TMEM272: variants seen among roughly 807,000 people sequenced by gnomAD.
TMEM272 encodes the protein long intergenic non-protein coding RNA 282.
TMEM272 carries 8 observed loss-of-function variants against 3.7 expected under a neutral mutation model. That is an observed-to-expected ratio of 2.17 (90% confidence interval 1.27 to 3.91). The LOEUF (loss-of-function observed/expected upper bound fraction) is 3.91, where lower values mean the gene tolerates loss of function less well. Among genes scored for constraint, TMEM272 ranks in the 30% most tolerant of loss-of-function variants. The pLI is 0.00. For missense variants in TMEM272, 166 were observed against 91.5 expected (o/e 1.81, Z -3.32); for synonymous variants, 63 against 39.8 (o/e 1.58, Z -2.20).
At chr13:51,931,262 G>C in the TMEM272 span, among the ~76,000 whole-genome samples, 7 of 147,058 alleles carry the variant, frequency 4.8e-5, no homozygotes, top group Non-Finnish European at 1.0e-4. Context: ...GTACACCATG[G>C]AATGCTATGT....
the TMEM272 span, chr13:51,865,292 T>A: frequency 9.2e-7 from 1 of 1,089,656 alleles, no homozygotes; most frequent in Non-Finnish European, 1.3e-6. Flanking sequence ...TCCCCTGGCA[T>A]GTGATACTCA....
At chr13:51,932,663 G>C in the TMEM272 span, 1 of 152,210 alleles carries the variant, frequency 6.6e-6, no homozygotes, top group Non-Finnish European at 1.5e-5. Flanking sequence ...CTCACTCACA[G>C]GCAGATTTTT....
intron 2 of TMEM272, among the ~76,000 whole-genome samples, chr13:51,836,139 T>C (rs1593597772): frequency 6.6e-6 from 1 of 152,318 alleles, no homozygotes; most frequent in African/African-American, 2.4e-5. Flanking sequence ...GATCAGGCCC[T>C]GGGAGCAGAG....
chr13:51,926,570 C>T, the TMEM272 span, among the ~76,000 whole-genome samples: 2 of 122,138 alleles, frequency 1.6e-5, no homozygotes, highest in Admixed American at 1.2e-4. Context: ...GGGAAGAGCC[C>T]GTGAGAGGCA....
chr13:51,838,781 G>T (rs751501903), intron 1 of TMEM272, among the ~76,000 whole-genome samples: 2 of 152,134 alleles, frequency 1.3e-5, no homozygotes, highest in Non-Finnish European at 2.9e-5. Flanking sequence ...TAAGAGGCTT[G>T]CCCAGTGATA....
chr13:51,820,752 T>G (rs1230039831), intron 4 of TMEM272, among the ~76,000 whole-genome samples: 2 of 152,186 alleles, frequency 1.3e-5, no homozygotes, highest in South Asian at 4.1e-4. Context: ...CTTAACACTG[T>G]GGGGGCCATG....
At chr13:51,917,707 C>T in the TMEM272 span, among the ~76,000 whole-genome samples, 1 of 152,190 alleles carries the variant, frequency 6.6e-6, no homozygotes, top group Non-Finnish European at 1.5e-5. Flanking sequence ...CTTAACATCT[C>T]TGAGTTCACG....
chr13:51,866,667 C>T, the TMEM272 span, among the ~76,000 whole-genome samples: 2 of 152,204 alleles, frequency 1.3e-5, no homozygotes, highest in African/African-American at 4.8e-5. Context: ...TTCCACCAAA[C>T]GTCTCAGCTG....
chr13:51,924,616 G>C, the TMEM272 span, among the ~76,000 whole-genome samples: 1 of 152,114 alleles, frequency 6.6e-6, no homozygotes, highest in Non-Finnish European at 1.5e-5. Context: ...GTTGGTGGAA[G>C]AGAAAGAAGA....
intron 3 of TMEM272, among the ~76,000 whole-genome samples, chr13:51,824,540 A>G (rs902393198): frequency 3.3e-5 from 5 of 151,980 alleles, no homozygotes; most frequent in Non-Finnish European, 7.4e-5. Flanking sequence ...CACCTCCAAA[A>G]CCCTCTTTCC....
chr13:51,883,175 C>T, the TMEM272 span, among the ~76,000 whole-genome samples: 1 of 152,238 alleles, frequency 6.6e-6, no homozygotes, highest in African/African-American at 2.4e-5. Flanking sequence ...TGTAGTTCAG[C>T]AAGCCAGCCA....
chr13:51,878,236 C>G, the TMEM272 span, among the ~76,000 whole-genome samples: 1 of 152,142 alleles, frequency 6.6e-6, no homozygotes, highest in Admixed American at 6.5e-5. Flanking sequence ...AGAGACCACC[C>G]TGGCTAACAT....
At chr13:51,842,931 G>A (rs1453592267) in intron 1 of TMEM272, among the ~76,000 whole-genome samples, 2 of 152,154 alleles carry the variant, frequency 1.3e-5, no homozygotes, top group Non-Finnish European at 2.9e-5. Context: ...TCTTGGAATA[G>A]TTATGTAATT....
At chr13:51,915,888 C>T in the TMEM272 span, among the ~76,000 whole-genome samples, 42 of 152,276 alleles carry the variant, frequency 2.8e-4, no homozygotes, top group African/African-American at 9.9e-4. Context: ...TCCTGGCCAA[C>T]ATGGTGAAAC....
chr13:51,874,531 T>C, the TMEM272 span, among the ~76,000 whole-genome samples: 2 of 152,086 alleles, frequency 1.3e-5, no homozygotes, highest in African/African-American at 4.8e-5. Flanking sequence ...GAGGCCACAG[T>C]AGGCGCTTCT....
chr13:51,877,707 T>C, the TMEM272 span, among the ~76,000 whole-genome samples: 2 of 152,238 alleles, frequency 1.3e-5, no homozygotes, highest in South Asian at 4.1e-4. Context: ...ACAATGAAGA[T>C]ATTAACTCCT....
At chr13:51,865,771 G>A in the TMEM272 span, 1 of 1,614,168 alleles carries the variant, frequency 6.2e-7, no homozygotes, top group Non-Finnish European at 8.5e-7. Flanking sequence ...TCTGGAAGGA[G>A]GATAAGGCCT....
chr13:51,877,385 A>T, the TMEM272 span, among the ~76,000 whole-genome samples: 1 of 152,162 alleles, frequency 6.6e-6, no homozygotes, highest in Non-Finnish European at 1.5e-5. Context: ...CCTTGCACAG[A>T]GCCTGGCTTA....
the TMEM272 span, among the ~76,000 whole-genome samples, chr13:51,853,125 G>A: frequency 6.6e-6 from 1 of 151,596 alleles, no homozygotes; most frequent in African/African-American, 2.4e-5. Context: ...GAAAATCCCA[G>A]GCCAGGCGTG....
Sources: allele counts gnomAD v4.1 joint callset (sites outside exome capture counted in the v4.1 genomes callset), GRCh38; gene constraint gnomAD v4.1.1; transcripts MANE v1.5; gene names NCBI Gene and HGNC (gene_info 2026-07-23, HGNC 2026-07-21).